Variants in SULT1C3 observed in about 807,000 individuals in gnomAD.
SULT1C3 encodes the protein sulfotransferase family 1C member 3.
Under a neutral mutation model 28.4 loss-of-function variants are expected in SULT1C3, and 31 were observed. The observed-to-expected ratio is 1.09, with a 90% CI of 0.82 to 1.47. The LOEUF is 1.47. SULT1C3 is among the 40% of genes most tolerant of loss of function. The pLI is 0.00. For synonymous variants in SULT1C3, 106 were observed against 92.2 expected (o/e 1.15, Z -0.86); for missense variants, 307 against 272.5 (o/e 1.13, Z -0.89).
At chr2:108,243,797 A>G (rs34974921) in intron 1 of SULT1C3, among the ~76,000 whole-genome samples, 40,508 of 152,064 alleles carry the variant, frequency 0.27, 6,355 homozygotes, top group East Asian at 0.73. Flanking sequence ...TGTAAACTCT[A>G]CCCTTGATGA....
intron 5 of SULT1C3, among the ~76,000 whole-genome samples, chr2:108,258,367 A>G (rs1675929497): frequency 6.6e-6 from 1 of 152,056 alleles, no homozygotes; most frequent in Non-Finnish European, 1.5e-5. Context: ...GGAACTTGCA[A>G]ACTGCATAGT....
At chr2:108,243,141 G>GGGTAAGCAGCTTTTGAAACTATA (rs1379041436) in intron 1 of SULT1C3, among the ~76,000 whole-genome samples, 6 of 152,180 alleles carry the variant, frequency 3.9e-5, no homozygotes, top group African/African-American at 1.4e-4. Context: ...TTTCAAAGGA[G>GGGTAAGCAGCTTTTGAAACTATA]GGTAAGCAGC....
chr2:108,259,244 T>C (rs1257719724), intron 7 of SULT1C3, 98 bp downstream of exon 7: 7 of 231,354 alleles, frequency 3.0e-5, no homozygotes, highest in Non-Finnish European at 6.2e-5. Context: ...AAGTGACTCA[T>C]TTCAGTTAAA....
chr2:108,244,218 G>T (rs1268158058), intron 1 of SULT1C3, among the ~76,000 whole-genome samples: 1 of 152,164 alleles, frequency 6.6e-6, no homozygotes, highest in African/African-American at 2.4e-5. Flanking sequence ...CACAGGGAGA[G>T]AGAAGCCAAA....
At chr2:108,259,241 T>G (rs1208804493) in intron 7 of SULT1C3, 95 bp downstream of exon 7, 1 of 231,242 alleles carries the variant, frequency 4.3e-6, no homozygotes, top group African/African-American at 2.3e-5. Context: ...CAGAAGTGAC[T>G]CATTTCAGTT....
chr2:108,251,433 C>A (rs1231776101), intron 2 of SULT1C3, among the ~76,000 whole-genome samples: 1 of 152,030 alleles, frequency 6.6e-6, no homozygotes, highest in African/African-American at 2.4e-5. Context: ...AATGAGCGAC[C>A]TGGTGGTCAC....
At chr2:108,246,159 G>C (rs910687327) in intron 1 of SULT1C3, among the ~76,000 whole-genome samples, 5 of 152,098 alleles carry the variant, frequency 3.3e-5, no homozygotes, top group Admixed American at 6.6e-5. Context: ...TGGCATTTTT[G>C]TCAAGGCCAT....
At chr2:108,264,762 T>C, downstream of SULT1C3, 6 of 1,486,522 alleles carry the variant, frequency 4.0e-6, no homozygotes, top group Non-Finnish European at 5.5e-6. Flanking sequence ...ACTGTCCAAA[T>C]GGAACATCAT....
intron 1 of SULT1C3, among the ~76,000 whole-genome samples, chr2:108,242,433 C>A (rs1479782018): frequency 6.6e-6 from 1 of 152,070 alleles, no homozygotes; most frequent in Admixed American, 6.6e-5. Flanking sequence ...TTTTTTAGTG[C>A]CTAATAAGCA....
At chr2:108,260,477 A>G in intron 7 of SULT1C3, 91 bp from the exon 8 acceptor site, 1 of 362,750 alleles carries the variant, frequency 2.8e-6, no homozygotes, top group Non-Finnish European at 5.6e-6. Context: ...TCATGGGAAA[A>G]TCACGTGGGT....
At chr2:108,249,383 A>G (rs1234173974) in intron 2 of SULT1C3, among the ~76,000 whole-genome samples, 1 of 152,114 alleles carries the variant, frequency 6.6e-6, no homozygotes, top group Admixed American at 6.6e-5. Flanking sequence ...CAGCTGCACT[A>G]AAAATAAATA....
chr2:108,264,778 A>G, downstream of SULT1C3: 2 of 1,545,998 alleles, frequency 1.3e-6, no homozygotes, highest in Non-Finnish European at 1.8e-6. Flanking sequence ...ATCATCCCCA[A>G]GGGAAGACCC....
At chr2:108,259,913 C>T (rs573284494) in intron 7 of SULT1C3, among the ~76,000 whole-genome samples, 25 of 152,202 alleles carry the variant, frequency 1.6e-4, no homozygotes, top group African/African-American at 5.5e-4. Context: ...GACCCCATTC[C>T]AGAACATTCC....
chr2:108,254,914 C>T (rs1294970808), intron 4 of SULT1C3, among the ~76,000 whole-genome samples: 1 of 151,656 alleles, frequency 6.6e-6, no homozygotes, highest in Non-Finnish European at 1.5e-5. Flanking sequence ...GAGTCTCATA[C>T]AAATATCAAG....
At chr2:108,261,799 T>C (rs1454364406), downstream of SULT1C3, among the ~76,000 whole-genome samples, 2 of 152,236 alleles carry the variant, frequency 1.3e-5, no homozygotes, top group East Asian at 3.9e-4. Context: ...TGTCTCTACC[T>C]TATCGTAGTG....
intron 1 of SULT1C3, among the ~76,000 whole-genome samples, 178 bp downstream of exon 1, chr2:108,240,261 A>G (rs745872079): frequency 1.3e-5 from 2 of 152,242 alleles, no homozygotes; most frequent in African/African-American, 2.4e-5. Context: ...ATGCATCTTC[A>G]GATGGTATTG....
At chr2:108,247,485 C>G (rs1675617419) in intron 2 of SULT1C3, 119 bp downstream of exon 2, 2 of 1,009,764 alleles carry the variant, frequency 2.0e-6, no homozygotes, top group Non-Finnish European at 2.7e-6. Flanking sequence ...TTATGGAGAT[C>G]TGTTCTTTGG....
At chr2:108,248,621 C>T (rs1675651505) in intron 2 of SULT1C3, among the ~76,000 whole-genome samples, 1 of 152,040 alleles carries the variant, frequency 6.6e-6, no homozygotes, top group Admixed American at 6.6e-5. Flanking sequence ...ACTGCACTTC[C>T]ATAGAGCCTA....
downstream of SULT1C3, chr2:108,265,218 T>C: frequency 6.2e-7 from 1 of 1,604,542 alleles, no homozygotes. Flanking sequence ...CAGCAATCAT[T>C]AAGATTTTGC....
Sources: gnomAD v4.1 joint callset for allele counts (sites outside exome capture counted in the v4.1 genomes callset) on GRCh38, gnomAD v4.1.1 for gene constraint, MANE v1.5 for transcripts, NCBI Gene and HGNC (gene_info 2026-07-23, HGNC 2026-07-21) for gene names.